Variants in FSTL4 observed in about 807,000 individuals in gnomAD.
FSTL4 encodes the protein follistatin-related protein 4.
FSTL4 carries 28 observed loss-of-function variants against 78.2 expected under a neutral mutation model. The observed-to-expected ratio is 0.36, with a 90% CI of 0.27 to 0.49. The LOEUF (loss-of-function observed/expected upper bound fraction) is 0.49, where lower values mean the gene tolerates loss of function less well. Among genes scored for constraint, FSTL4 ranks in the 20% least tolerant of loss-of-function variants. FSTL4 has a pLI of 0.98. For synonymous variants in FSTL4, 422 were observed against 440.5 expected (o/e 0.96, Z 0.53); for missense variants, 922 against 1,084.9 (o/e 0.85, Z 2.11).
the FSTL4 span, among the ~76,000 whole-genome samples, chr5:133,743,405 T>G: frequency 2.0e-5 from 3 of 152,252 alleles, no homozygotes; most frequent in East Asian, 3.8e-4. Context: ...TACCTTTAAA[T>G]GCATGGATTT....
At chr5:133,729,400 G>T in the FSTL4 span, among the ~76,000 whole-genome samples, 7 of 152,230 alleles carry the variant, frequency 4.6e-5, no homozygotes, top group Middle Eastern at 0.017. Flanking sequence ...TGTAAAACAG[G>T]TATAATATCC....
At chr5:133,408,566 C>CG (rs1324926872) in intron 3 of FSTL4, among the ~76,000 whole-genome samples, 3 of 16,012 alleles carry the variant, frequency 1.9e-4, no homozygotes, top group African/African-American at 1.3e-3. Flanking sequence ...TTCACTGAGG[C>CG]GGGGGTGGAG....
At chr5:133,473,830 G>A (rs1235475631) in intron 3 of FSTL4, among the ~76,000 whole-genome samples, 1 of 152,132 alleles carries the variant, frequency 6.6e-6, no homozygotes, top group Non-Finnish European at 1.5e-5. Context: ...GACAATGAGT[G>A]CAGAGTGAAG....
chr5:133,237,978 A>T (rs1561636214), intron 7 of FSTL4, among the ~76,000 whole-genome samples: 1 of 152,138 alleles, frequency 6.6e-6, no homozygotes, highest in African/African-American at 2.4e-5. Context: ...TGGGAAAGAG[A>T]CAATTTTAAA....
chr5:133,664,609 C>T, the FSTL4 span, among the ~76,000 whole-genome samples: 12 of 152,152 alleles, frequency 7.9e-5, no homozygotes, highest in Non-Finnish European at 1.5e-4. Context: ...ATTTTATGAC[C>T]CCACTGTGCT....
At chr5:133,376,003 C>T (rs1297350584) in intron 4 of FSTL4, among the ~76,000 whole-genome samples, 5 of 152,282 alleles carry the variant, frequency 3.3e-5, no homozygotes, top group South Asian at 2.1e-4. Context: ...CCTGAATTTA[C>T]CCATAGACTC....
chr5:133,718,292 G>A, the FSTL4 span, among the ~76,000 whole-genome samples: 36 of 152,160 alleles, frequency 2.4e-4, no homozygotes, highest in African/African-American at 8.4e-4. Context: ...TGTTGGCCAG[G>A]GTGGTCTCAA....
chr5:133,286,574 C>T (rs1229449785), intron 6 of FSTL4, among the ~76,000 whole-genome samples: 1 of 152,202 alleles, frequency 6.6e-6, no homozygotes, highest in South Asian at 2.1e-4. Context: ...CTCATGACCC[C>T]TGTGGCTCTC....
chr5:133,774,368 G>T, the FSTL4 span, among the ~76,000 whole-genome samples: 1 of 152,066 alleles, frequency 6.6e-6, no homozygotes, highest in Non-Finnish European at 1.5e-5. Context: ...AGACATTTTG[G>T]GTTGCCACAA....
the FSTL4 span, among the ~76,000 whole-genome samples, chr5:133,695,726 G>A: frequency 1.3e-5 from 2 of 152,154 alleles, no homozygotes; most frequent in African/African-American, 4.8e-5. Context: ...CTCCTCAGGG[G>A]GCCCCAGACA....
intron 14 of FSTL4, among the ~76,000 whole-genome samples, chr5:133,205,650 G>C (rs550341137): frequency 6.6e-6 from 1 of 152,130 alleles, no homozygotes; most frequent in Non-Finnish European, 1.5e-5. Context: ...TAACAAGTCA[G>C]CTTTTCCCAA....
At chr5:133,485,157 A>G (rs1758106125) in intron 3 of FSTL4, among the ~76,000 whole-genome samples, 1 of 152,222 alleles carries the variant, frequency 6.6e-6, no homozygotes, top group Admixed American at 6.5e-5. Context: ...TAATTTCATG[A>G]GACATTCTAA....
intron 4 of FSTL4, among the ~76,000 whole-genome samples, chr5:133,360,626 A>C (rs1009241887): frequency 6.6e-6 from 1 of 152,230 alleles, no homozygotes; most frequent in African/African-American, 2.4e-5. Context: ...ACAGTTTTAA[A>C]GAAACAAGAG....
chr5:133,612,716 C>CA (rs1197001952), upstream of FSTL4, among the ~76,000 whole-genome samples: 2 of 152,064 alleles, frequency 1.3e-5, no homozygotes, highest in Admixed American at 6.5e-5. This position sits in a 1 kb window ranked among gnomAD's most constrained non-coding sequence, Gnocchi z 6.2. Flanking sequence ...CTGGGGCCAT[C>CA]TAGGGCCCGG....
the FSTL4 span, among the ~76,000 whole-genome samples, chr5:133,754,690 G>A: frequency 6.6e-6 from 1 of 152,136 alleles, no homozygotes; most frequent in Non-Finnish European, 1.5e-5. Context: ...AAGAGACCAT[G>A]GTCAAAATAC....
intron 2 of FSTL4, among the ~76,000 whole-genome samples, chr5:133,591,606 GA>G (rs1760628415): frequency 6.6e-6 from 1 of 152,044 alleles, no homozygotes; most frequent in South Asian, 2.1e-4. Flanking sequence ...CAGGCAAATG[GA>G]TCTGGGAAGA....
At chr5:133,645,708 A>G in the FSTL4 span, among the ~76,000 whole-genome samples, 4 of 152,240 alleles carry the variant, frequency 2.6e-5, no homozygotes, top group East Asian at 7.7e-4. Flanking sequence ...AAGTATCCTC[A>G]TGAGAGTGAG....
intron 2 of FSTL4, among the ~76,000 whole-genome samples, chr5:133,596,965 C>A (rs760209472): frequency 1.1e-4 from 16 of 152,200 alleles, no homozygotes; most frequent in Non-Finnish European, 1.8e-4. Flanking sequence ...GGCTACCCAT[C>A]AAGAGAGAGG....
chr5:133,589,140 G>T (rs1389675106), intron 2 of FSTL4, among the ~76,000 whole-genome samples: 4 of 49,908 alleles, frequency 8.0e-5, no homozygotes, highest in Admixed American at 2.1e-4. Flanking sequence ...CTGTGGTGGG[G>T]TCGGGGGAGG....
Sources: gnomAD v4.1 joint callset for allele counts (sites outside exome capture counted in the v4.1 genomes callset) on GRCh38, gnomAD v4.1.1 for gene constraint, Gnocchi (gnomAD v3.1) non-coding constraint, MANE v1.5 for transcripts, NCBI Gene and HGNC (gene_info 2026-07-23, HGNC 2026-07-21) for gene names.